The following AGBL4 variants were observed in gnomAD, a reference collection of about 807,000 sequenced individuals.
The protein encoded by AGBL4 is cytosolic carboxypeptidase 6.
Under a neutral mutation model 66.4 loss-of-function variants are expected in AGBL4, and 58 were observed. That is an observed-to-expected ratio of 0.87 (90% CI 0.71 to 1.09). The LOEUF (loss-of-function observed/expected upper bound fraction) is 1.09, where lower values mean the gene tolerates loss of function less well. Ranked by LOEUF, AGBL4 falls within the 50% of genes least tolerant of loss-of-function variation. The pLI is 0.00. For missense variants in AGBL4, 579 were observed against 631.0 expected, an observed-to-expected ratio of 0.92 and a Z score of 0.88; for synonymous variants, 234 against 222.9, an observed-to-expected ratio of 1.05 and a Z score of -0.44.
At chr1:48,710,864 T>C (rs1206623914) in intron 6 of AGBL4, among the ~76,000 whole-genome samples, 1 of 152,096 alleles carries the variant, frequency 6.6e-6, no homozygotes, top group Non-Finnish European at 1.5e-5. Context: ...CTTTGAAAGA[T>C]GGCTGGAATT....
At chr1:48,846,401 G>GAAAT (rs747460979) in intron 6 of AGBL4, among the ~76,000 whole-genome samples, 1 of 150,798 alleles carries the variant, frequency 6.6e-6, no homozygotes, top group African/African-American at 2.4e-5. Flanking sequence ...AAGAAAGAAA[G>GAAAT]AAAGAAAGAA....
intron 5 of AGBL4, among the ~76,000 whole-genome samples, chr1:48,881,198 T>C (rs979718364): frequency 1.3e-5 from 2 of 152,216 alleles, no homozygotes; most frequent in Non-Finnish European, 2.9e-5. Flanking sequence ...TACACTTCCA[T>C]GAATAATGTG....
intron 5 of AGBL4, among the ~76,000 whole-genome samples, chr1:48,901,611 G>T (rs1652087912): frequency 6.6e-6 from 1 of 152,064 alleles, no homozygotes; most frequent in Non-Finnish European, 1.5e-5. Flanking sequence ...AAAGAAGCCT[G>T]ACAAAAAGCA....
intron 1 of AGBL4, among the ~76,000 whole-genome samples, chr1:49,978,697 A>G (rs956814117): frequency 7.9e-5 from 12 of 152,246 alleles, no homozygotes; most frequent in Non-Finnish European, 1.6e-4. Flanking sequence ...GTTAAAATAT[A>G]CATTTTAAGA....
chr1:49,225,249 CT>C (rs1649823013), intron 4 of AGBL4, among the ~76,000 whole-genome samples: 1 of 152,146 alleles, frequency 6.6e-6, no homozygotes, highest in South Asian at 2.1e-4. Context: ...TAGACTATAA[CT>C]TTCTCAAAAT....
At chr1:49,331,158 G>C (rs1331054301) in intron 3 of AGBL4, among the ~76,000 whole-genome samples, 1 of 152,168 alleles carries the variant, frequency 6.6e-6, no homozygotes, top group Non-Finnish European at 1.5e-5. Flanking sequence ...GGCATGCACA[G>C]AGACCCAGGA....
intron 4 of AGBL4, among the ~76,000 whole-genome samples, chr1:49,101,053 C>T (rs981885555): frequency 6.6e-6 from 1 of 152,160 alleles, no homozygotes; most frequent in Non-Finnish European, 1.5e-5. Flanking sequence ...GTATGAGACA[C>T]TCAAGTCCCA....
chr1:49,392,097 G>T (rs1444015375), intron 3 of AGBL4, among the ~76,000 whole-genome samples: 1 of 152,178 alleles, frequency 6.6e-6, no homozygotes, highest in Non-Finnish European at 1.5e-5. Context: ...AGATCTGTCT[G>T]TCCAATACAG....
chr1:49,340,763 T>C (rs76895995), intron 3 of AGBL4, among the ~76,000 whole-genome samples: 315 of 152,296 alleles, frequency 2.1e-3, no homozygotes, highest in Non-Finnish European at 3.0e-3. Context: ...TCCAGAATGT[T>C]AGGCATTCTC....
At chr1:49,972,681 TAC>T (rs1479941074) in intron 1 of AGBL4, among the ~76,000 whole-genome samples, 2 of 152,208 alleles carry the variant, frequency 1.3e-5, no homozygotes, top group African/African-American at 2.4e-5. Context: ...TAACTTTTAT[TAC>T]AGTTTATTGT....
intron 9 of AGBL4, among the ~76,000 whole-genome samples, chr1:48,598,736 G>C (rs950817279): frequency 2.6e-5 from 4 of 151,846 alleles, no homozygotes; most frequent in Non-Finnish European, 5.9e-5. Context: ...GCACAATCTC[G>C]GCTCACTGGG....
chr1:48,828,054 G>A (rs889546952), intron 6 of AGBL4, among the ~76,000 whole-genome samples: 2 of 137,648 alleles, frequency 1.5e-5, no homozygotes, highest in Admixed American at 1.5e-4. Flanking sequence ...AAATTAGCCG[G>A]GCATGGTGGT....
intron 5 of AGBL4, among the ~76,000 whole-genome samples, chr1:48,991,121 A>G (rs3118217): frequency 0.44 from 66,718 of 152,094 alleles, 16,885 homozygotes; most frequent in Non-Finnish European, 0.58. Flanking sequence ...TTCTAAATAA[A>G]GAACTCCCTT....
chr1:49,990,151 T>C (rs1259729789), intron 1 of AGBL4, among the ~76,000 whole-genome samples: 2 of 152,190 alleles, frequency 1.3e-5, no homozygotes, highest in Non-Finnish European at 2.9e-5. Context: ...CATATACTGG[T>C]ATAATTTTTA....
intron 2 of AGBL4, among the ~76,000 whole-genome samples, chr1:49,766,539 A>G (rs1458818959): frequency 2.0e-5 from 3 of 152,072 alleles, no homozygotes; most frequent in Non-Finnish European, 2.9e-5. Flanking sequence ...CAAAACAACC[A>G]GCTAACAACT....
At chr1:48,724,448 G>A (rs763994337) in intron 6 of AGBL4, among the ~76,000 whole-genome samples, 3 of 152,198 alleles carry the variant, frequency 2.0e-5, no homozygotes, top group African/African-American at 4.8e-5. Flanking sequence ...TTGGGCAGCT[G>A]ACCAGGTGGT....
At chr1:49,696,735 A>G (rs925002945) in intron 3 of AGBL4, among the ~76,000 whole-genome samples, 1 of 152,144 alleles carries the variant, frequency 6.6e-6, no homozygotes, top group African/African-American at 2.4e-5. Flanking sequence ...GCTATACTCA[A>G]CTTGTAAAAG....
At chr1:49,976,452 G>T (rs1658564164) in intron 1 of AGBL4, among the ~76,000 whole-genome samples, 1 of 152,100 alleles carries the variant, frequency 6.6e-6, no homozygotes, top group Admixed American at 6.5e-5. Flanking sequence ...AAAATGCCAT[G>T]ATAGTTCGAA....
intron 3 of AGBL4, among the ~76,000 whole-genome samples, chr1:49,401,832 T>C (rs1392819356): frequency 6.6e-6 from 1 of 151,808 alleles, no homozygotes; most frequent in Non-Finnish European, 1.5e-5. Context: ...GCTGGGAGAG[T>C]TTTTATTATG....
Sources: gnomAD v4.1 joint callset for allele counts (sites outside exome capture counted in the v4.1 genomes callset) on GRCh38, gnomAD v4.1.1 for gene constraint, MANE v1.5 for transcripts, NCBI Gene and HGNC (gene_info 2026-07-23, HGNC 2026-07-21) for gene names.